PPP2R5A: variants seen among roughly 807,000 people sequenced by gnomAD.
The protein encoded by PPP2R5A is serine/threonine-protein phosphatase 2A 56 kDa regulatory subunit alpha isoform.
In PPP2R5A, 25 loss-of-function variants were observed where a neutral mutation model predicts 64.2. That is an observed-to-expected ratio of 0.39 (90% confidence interval 0.28 to 0.54). PPP2R5A has a LOEUF of 0.54. PPP2R5A is among the 20% of genes least tolerant of loss of function. The pLI is 0.67. For synonymous variants in PPP2R5A, 198 were observed against 201.2 expected (o/e 0.98, Z 0.13); for missense variants, 425 against 576.3 (o/e 0.74, Z 2.69).
chr1:212,332,943 C>G (rs898193551), intron 2 of PPP2R5A, among the ~76,000 whole-genome samples: 26 of 151,398 alleles, frequency 1.7e-4, no homozygotes, highest in Middle Eastern at 3.4e-3. Context: ...GCTCTGTCAC[C>G]CAGGCTGGAA....
chr1:212,346,216 G>GTATATATATGTAACATATATATGTAACAT (rs1659774093), intron 5 of PPP2R5A, among the ~76,000 whole-genome samples: 1 of 151,794 alleles, frequency 6.6e-6, no homozygotes, highest in African/African-American at 2.4e-5. Context: ...TATGTACGTA[G>GTATATATATGTAACATATATATGTAACAT]TATATATATG....
intron 8 of PPP2R5A, among the ~76,000 whole-genome samples, chr1:212,352,413 G>A (rs925453003): frequency 9.9e-5 from 15 of 151,862 alleles, no homozygotes; most frequent in African/African-American, 3.6e-4. Flanking sequence ...TGTATGATGA[G>A]GGTAAGGAAC....
intron 1 of PPP2R5A, among the ~76,000 whole-genome samples, chr1:212,306,118 G>A (rs1040983517): frequency 3.9e-5 from 6 of 152,070 alleles, no homozygotes; most frequent in Non-Finnish European, 8.8e-5. Flanking sequence ...GGCCGGGGTC[G>A]GGTCGTACAA....
rs563758734 is a variant in PPP2R5A, at chr1:212,321,493, G to A, written c.182-7642G>A. On this transcript the variant is annotated intron_variant, in intron 1 of 12. Transcript: ENST00000261461. ...AGACGGTGTGGCTGCCGGGCGGAGG[G>A]GCTCCTCACTTCTCAGACGGGGCGG... Among the ~76,000 whole-genome samples, 189 of 146,908 alleles carry A rather than the reference G, an allele frequency of 1.3e-3. 1 individual carries two copies. The highest frequency in any genetic ancestry group is 4.2e-3 in the African/African-American group (164 of 38,590).
intron 1 of PPP2R5A, among the ~76,000 whole-genome samples, chr1:212,322,889 C>T (rs557378697): frequency 6.6e-6 from 1 of 152,034 alleles, no homozygotes; most frequent in Non-Finnish European, 1.5e-5. Flanking sequence ...AGGTTCACAC[C>T]ATTCTCCTGC....
In PPP2R5A at chr1:212,357,387, A is replaced by C. The variant is rs1368176803; in HGVS notation, c.1226+103A>C. 5.4e-6 allele frequency: 6 copies of C among 1,107,244 alleles called. No homozygotes were observed. The African/African-American group carries it at 9.7e-5, about 18-fold the overall frequency. The allele number at this position is 1,107,244 out of a possible 1,614,324, so 68.6% of individuals were successfully genotyped here. ...ACTTGAAACCTATTACAGATTTGGAAGTTACTCCAAGGTTAACATCAGTTG... is the reference window on the plus strand; with the variant it reads ...ACTTGAAACCTATTACAGATTTGGACGTTACTCCAAGGTTAACATCAGTTG... On this transcript the variant is annotated intron_variant, in intron 11 of 12. Coordinates refer to ENST00000261461, the MANE Select transcript of PPP2R5A (RefSeq NM_006243.4).
chr1:212,356,694 A>C lies in PPP2R5A; in HGVS notation c.978+18A>C, dbSNP rs376753962. On this transcript the variant is annotated intron_variant, in intron 9 of 12. Transcript: ENST00000261461. ...AGAAAGAGGTGGGTTTTGTTCACTA[A>C]ATGTAGTGCATTTTACTAGAACTTG... 4 of 1,609,266 alleles carry C rather than the reference A, an allele frequency of 2.5e-6. No individual in the cohort carries two copies. The highest frequency in any genetic ancestry group is 3.4e-6 in the Non-Finnish European group (4 of 1,177,512).
At chr1:212,292,975 G>T (rs1658630067) in intron 1 of PPP2R5A, among the ~76,000 whole-genome samples, 1 of 152,154 alleles carries the variant, frequency 6.6e-6, no homozygotes, top group Non-Finnish European at 1.5e-5. Context: ...TTTTGGTTGT[G>T]CCAGTAAAGC....
intron 1 of PPP2R5A, chr1:212,299,571 T>C (rs1334960178): frequency 6.6e-6 from 1 of 152,202 alleles, no homozygotes; most frequent in Non-Finnish European, 1.5e-5. Context: ...TAACAGAGAC[T>C]GGGATATAAA....
rs188479058 is a variant in PPP2R5A at position 212,339,907 on chromosome 1, C to T, written c.481-2281C>T. ...TGATCCCACCTTATGGTGGAATCTC[C>T]AGGGATTTGCATAAAGATTTGGAGT... On this transcript the variant is annotated intron_variant, in intron 3 of 12. Coordinates refer to ENST00000261461, the MANE Select transcript of PPP2R5A (RefSeq NM_006243.4). Among the ~76,000 whole-genome samples, 10 of 147,324 alleles carry T rather than the reference C, an allele frequency of 6.8e-5. No homozygotes were observed. The East Asian group carries it at 1.8e-3, about 26-fold the overall frequency.
intron 8 of PPP2R5A, among the ~76,000 whole-genome samples, chr1:212,350,754 A>T (rs1659861073): frequency 6.6e-6 from 1 of 152,128 alleles, no homozygotes; most frequent in Non-Finnish European, 1.5e-5. Flanking sequence ...TTGAAAAGTC[A>T]TGGTTCATGC....
rs1288614821 is a variant in PPP2R5A at position 212,286,208 on chromosome 1, A to T, written c.98A>T (p.Gln33Leu). 4.4e-6 allele frequency: 7 copies of T among 1,578,210 alleles called. No individual in the cohort carries two copies. Among genetic ancestry groups the T allele is most frequent in the Non-Finnish European group, 6.0e-6 (7 of 1,163,384 alleles). ...GFTRKSVRKA[Q>L]RQKRSQGSSQ... is the part of the protein sequence containing the mutation. ...ACCCGGAAATCGGTCCGCAAGGCGC[A>T]GAGGCAGAAGCGCTCCCAGGGCTCG... Residue 33 changes from glutamine to leucine, a missense_variant, in exon 1 of 13, where the codon CAG becomes CTG. By Grantham distance (113) the Gln-to-Leu change is moderately radical. This residue lies in a region of PPP2R5A where 104 missense variants were observed against 95.7 expected (regional missense o/e 1.09). Transcript: ENST00000261461.
Position 212,361,742 on chromosome 1 carries a change from G to A in PPP2R5A, c.*972G>A, listed in dbSNP as rs1398361494. Reference sequence around the variant, plus strand: ...TGGTCAAGTATTTCTCACATCTTTTGTTATCAGAGTACCATTCCAATCTCT... The same window carrying A: ...TGGTCAAGTATTTCTCACATCTTTTATTATCAGAGTACCATTCCAATCTCT... On this transcript the variant is annotated 3_prime_UTR_variant, in exon 13 of 13. Coordinates refer to ENST00000261461, the MANE Select transcript of PPP2R5A (RefSeq NM_006243.4). 6.5e-6 allele frequency: 1 copy of A among 152,684 alleles called. No individual in the cohort carries two copies. Among genetic ancestry groups the A allele is most frequent in the African/African-American group, 2.4e-5 (1 of 41,464 alleles). 9.5% of individuals were successfully genotyped at this position (152,684 alleles called of 1,614,324 possible). A position where few individuals can be genotyped will look rare whatever the true frequency, so the allele number is the denominator to read the frequency against.
At chr1:212,347,542 C>CT (rs11290098) in intron 6 of PPP2R5A, 136 bp downstream of exon 6, 25,550 of 475,166 alleles carry the variant, frequency 0.054, 10 homozygotes, top group Non-Finnish European at 0.061. Context: ...CAACTGAAGT[C>CT]TTTTTTTTTT....
intron 1 of PPP2R5A, among the ~76,000 whole-genome samples, chr1:212,317,604 G>C (rs1659182105): frequency 6.6e-6 from 1 of 150,908 alleles, no homozygotes; most frequent in African/African-American, 2.4e-5. Context: ...TTAAACTCTT[G>C]ATTGTGACCC....
intron 1 of PPP2R5A, among the ~76,000 whole-genome samples, chr1:212,305,574 G>A (rs1054694213): frequency 6.6e-6 from 1 of 152,210 alleles, no homozygotes; most frequent in South Asian, 2.1e-4. Context: ...GTTGGTTTAT[G>A]TGTGTTCAAA....
intron 11 of PPP2R5A, 89 bp from the exon 12 acceptor site, chr1:212,358,597 C>G: frequency 2.1e-6 from 2 of 931,480 alleles, no homozygotes; most frequent in Non-Finnish European, 3.3e-6. Context: ...TGAAATCAGC[C>G]AAGCTTTAAC....
chr1:212,303,528 G>A (rs1006345626), intron 1 of PPP2R5A, among the ~76,000 whole-genome samples: 4 of 151,418 alleles, frequency 2.6e-5, no homozygotes, highest in East Asian at 3.9e-4. Context: ...CCTTTGAAGC[G>A]CAAATGTTTT....
intron 1 of PPP2R5A, among the ~76,000 whole-genome samples, chr1:212,321,466 T>C (rs1299337780): frequency 1.2e-4 from 17 of 142,320 alleles, no homozygotes; most frequent in Non-Finnish European, 2.0e-4. Context: ...TCCTCACTTC[T>C]CAGACGGTGT....
Sources: gnomAD v4.1 joint callset for allele counts (sites outside exome capture counted in the v4.1 genomes callset) on GRCh38, gnomAD v4.1.1 for gene constraint, gnomAD v4.1.1 regional missense constraint, MANE v1.5 for transcripts, NCBI Gene and HGNC (gene_info 2026-07-23, HGNC 2026-07-21) for gene names.